The following KSR2 variants were observed in gnomAD, a reference collection of about 807,000 sequenced individuals.
KSR2 encodes the protein kinase suppressor of ras 2.
Under a neutral mutation model 107.8 loss-of-function variants are expected in KSR2, and 25 were observed. The observed-to-expected ratio is 0.23, with a 90% confidence interval of 0.17 to 0.32. The LOEUF is 0.32. Ranked by LOEUF, KSR2 falls within the 10% of genes least tolerant of loss-of-function variation. The probability of loss-of-function intolerance (pLI) is 1.00; values close to 1 mark genes in which losing one functional copy is unlikely to be tolerated. For missense variants in KSR2, 887 were observed against 1,268.9 expected (o/e 0.70, Z 4.57); for synonymous variants, 480 against 507.0 (o/e 0.95, Z 0.71).
intron 1 of KSR2, among the ~76,000 whole-genome samples, chr12:117,916,246 C>A (rs1032927912): frequency 1.3e-5 from 2 of 149,566 alleles, no homozygotes; most frequent in Non-Finnish European, 3.0e-5. Context: ...AAGCAATTCT[C>A]CTGCCTCAGC....
At chr12:117,630,905 T>C (rs914624446) in intron 5 of KSR2, among the ~76,000 whole-genome samples, 2 of 152,054 alleles carry the variant, frequency 1.3e-5, no homozygotes, top group East Asian at 1.9e-4. Flanking sequence ...CTGTTTCCTG[T>C]GGGTATAGAT....
intron 14 of KSR2, among the ~76,000 whole-genome samples, chr12:117,498,750 T>G (rs1028044424): frequency 1.3e-5 from 2 of 152,138 alleles, no homozygotes; most frequent in Admixed American, 1.3e-4. Context: ...AGTGAATAAG[T>G]CTCACAAGAT....
intron 10 of KSR2, among the ~76,000 whole-genome samples, chr12:117,535,649 T>TGTGTGTGTGTG: frequency 1.4e-5 from 2 of 142,766 alleles, no homozygotes; most frequent in African/African-American, 5.2e-5. Context: ...TGTGTGTGTG[T>TGTGTGTGTGTG]TTCAAGATGG....
chr12:117,514,926 C>T (rs1028454273), intron 14 of KSR2, among the ~76,000 whole-genome samples: 1 of 152,122 alleles, frequency 6.6e-6, no homozygotes, highest in African/African-American at 2.4e-5. Flanking sequence ...CCTGGCCTTG[C>T]TACCTCCTAC....
intron 4 of KSR2, among the ~76,000 whole-genome samples, chr12:117,719,217 T>C (rs1887112720): frequency 6.6e-6 from 1 of 151,778 alleles, no homozygotes; most frequent in Admixed American, 6.6e-5. Context: ...TTCAGGTCTT[T>C]CCCCCCCTCC....
chr12:117,669,878 A>G (rs1259900887), intron 4 of KSR2, among the ~76,000 whole-genome samples: 1 of 152,122 alleles, frequency 6.6e-6, no homozygotes, highest in African/African-American at 2.4e-5. Flanking sequence ...TAAAATAATA[A>G]TAATGATAAT....
intron 12 of KSR2, 77 bp downstream of exon 12, chr12:117,530,864 G>C (rs1201352958): frequency 7.9e-7 from 1 of 1,261,942 alleles, no homozygotes; most frequent in African/African-American, 1.5e-5. Context: ...AAGGAAAGAA[G>C]ATAGGGAACC....
chr12:117,859,597 C>T (rs1286460811), intron 2 of KSR2, among the ~76,000 whole-genome samples: 6 of 151,654 alleles, frequency 4.0e-5, no homozygotes, highest in African/African-American at 1.5e-4. Context: ...GCTAGGACCA[C>T]AGGCATGCAC....
chr12:117,560,711 G>C (rs1592994214), intron 7 of KSR2, among the ~76,000 whole-genome samples: 1 of 152,230 alleles, frequency 6.6e-6, no homozygotes, highest in Admixed American at 6.5e-5. Flanking sequence ...CTAGTGGAAA[G>C]TGTTTGGGTC....
intron 3 of KSR2, among the ~76,000 whole-genome samples, chr12:117,803,886 A>C (rs1261017645): frequency 1.3e-5 from 2 of 152,166 alleles, no homozygotes; most frequent in Non-Finnish European, 2.9e-5. Context: ...TACTTAACCA[A>C]GGTCATAGTG....
In KSR2 at chr12:117,460,871, C is replaced by T. The variant is rs570588632; in HGVS notation, c.*6328G>A. Reference sequence around the variant, plus strand: ...CCATCATAGGAATTCCAGCCTGGCACGTAGTAAGTGCTCTGTGAATGAGGG... The same window carrying T: ...CCATCATAGGAATTCCAGCCTGGCATGTAGTAAGTGCTCTGTGAATGAGGG... On this transcript the variant is annotated 3_prime_UTR_variant, in exon 20 of 20. Transcript: ENST00000339824. The T allele has an allele frequency of 2.0e-5, 3 of 152,202 alleles. No homozygotes were observed. Among genetic ancestry groups the T allele is most frequent in the South Asian group, 2.1e-4 (1 of 4,828 alleles). 9.4% of individuals were successfully genotyped at this position (152,202 alleles called of 1,614,324 possible). A position where few individuals can be genotyped will look rare whatever the true frequency, so the allele number is the denominator to read the frequency against.
intron 3 of KSR2, among the ~76,000 whole-genome samples, chr12:117,772,273 ACG>A (rs1889506403): frequency 7.3e-6 from 1 of 137,614 alleles, no homozygotes; most frequent in Non-Finnish European, 1.6e-5. Flanking sequence ...TCCCCCAAAG[ACG>A]CACACACACT....
intron 1 of KSR2, among the ~76,000 whole-genome samples, chr12:117,937,407 TA>T (rs1895879918): frequency 6.6e-6 from 1 of 152,102 alleles, no homozygotes; most frequent in Non-Finnish European, 1.5e-5. Context: ...TTATTATTAT[TA>T]TTACTATTAT....
At position 117,503,990 on chromosome 12, in the gene KSR2, A is replaced by G. The variant is rs528126674; in HGVS notation, c.2220-18299T>C. Among the ~76,000 whole-genome samples, 298 of 152,306 alleles carry G rather than the reference A, an allele frequency of 2.0e-3. 1 individual carries two copies. Among genetic ancestry groups the G allele is most frequent in the Admixed American group, 2.7e-3 (41 of 15,290 alleles). ...CAAATGCCCACAAACACTTACCTCT[A>G]TTTGTACATAAATGGGCAGCACAAT... is the stretch of plus-strand genomic sequence containing the variant. On this transcript the variant is annotated intron_variant, in intron 14 of 19. Coordinates refer to ENST00000339824, the MANE Select transcript of KSR2 (RefSeq NM_173598.6).
At chr12:117,714,937 C>T (rs1242944542) in intron 4 of KSR2, among the ~76,000 whole-genome samples, 1 of 152,110 alleles carries the variant, frequency 6.6e-6, no homozygotes, top group Non-Finnish European at 1.5e-5. Flanking sequence ...GCAGTCACCC[C>T]ATCATGTGTC....
At chr12:117,503,076 G>A (rs1873473848) in intron 14 of KSR2, among the ~76,000 whole-genome samples, 2 of 152,272 alleles carry the variant, frequency 1.3e-5, no homozygotes, top group African/African-American at 4.8e-5. Flanking sequence ...TGAGAAGGAG[G>A]AACAGAAATG....
At chr12:117,629,359 T>C (rs1429915373) in intron 5 of KSR2, among the ~76,000 whole-genome samples, 1 of 152,266 alleles carries the variant, frequency 6.6e-6, no homozygotes, top group Non-Finnish European at 1.5e-5. Context: ...TTGGTTTATG[T>C]CAGAATATAC....
At chr12:117,560,010 C>T (rs573014845) in intron 7 of KSR2, among the ~76,000 whole-genome samples, 220 of 152,268 alleles carry the variant, frequency 1.4e-3, no homozygotes, top group Non-Finnish European at 2.4e-3. Flanking sequence ...TTTACAGTTG[C>T]CCCCTACTCT....
intron 3 of KSR2, among the ~76,000 whole-genome samples, chr12:117,795,751 C>A (rs190139969): frequency 1.1e-3 from 160 of 152,226 alleles, no homozygotes; most frequent in Non-Finnish European, 1.9e-3. Flanking sequence ...GCCTCAACCT[C>A]CCGAGTAGGT....
Sources: allele counts gnomAD v4.1 joint callset (sites outside exome capture counted in the v4.1 genomes callset), GRCh38; gene constraint gnomAD v4.1.1; transcripts MANE v1.5; gene names NCBI Gene and HGNC (gene_info 2026-07-23, HGNC 2026-07-21).